Variants in ATP6V1C1 observed in about 807,000 individuals in gnomAD.
ATP6V1C1 encodes V-type proton ATPase subunit C 1.
A neutral mutation model predicts 53.9 loss-of-function variants in ATP6V1C1; 45 were observed. That is an observed-to-expected ratio of 0.83 (90% CI 0.66 to 1.07). ATP6V1C1 has a LOEUF of 1.07. Among genes scored for constraint, ATP6V1C1 ranks in the 50% least tolerant of loss-of-function variants. The pLI, the probability that ATP6V1C1 is intolerant of heterozygous loss-of-function variation, is 0.00. For missense variants in ATP6V1C1, 315 were observed against 440.3 expected, an observed-to-expected ratio of 0.72 and a Z score of 2.55; for synonymous variants, 153 against 155.2, an observed-to-expected ratio of 0.99 and a Z score of 0.11.
chr8:103,061,241 C>T (rs1311728781), intron 8 of ATP6V1C1, among the ~76,000 whole-genome samples: 1 of 152,180 alleles, frequency 6.6e-6, no homozygotes, highest in Non-Finnish European at 1.5e-5. Context: ...GTTTTCTCTG[C>T]ATGTCAGCGA....
chr8:103,028,710 C>T (rs1264278483), intron 1 of ATP6V1C1, among the ~76,000 whole-genome samples: 1 of 152,166 alleles, frequency 6.6e-6, no homozygotes, highest in Admixed American at 6.6e-5. Flanking sequence ...GATTAGATTC[C>T]AAGTCTTCAT....
At chr8:103,021,631 G>T (rs537811881) in intron 1 of ATP6V1C1, among the ~76,000 whole-genome samples, 2 of 151,468 alleles carry the variant, frequency 1.3e-5, no homozygotes, top group East Asian at 1.9e-4. Flanking sequence ...GTGTGTTGGG[G>T]GGGGCGCGGG....
chr8:103,037,382 A>G (rs1378044345), intron 1 of ATP6V1C1, among the ~76,000 whole-genome samples: 2 of 152,094 alleles, frequency 1.3e-5, no homozygotes, highest in African/African-American at 4.8e-5. Flanking sequence ...GGGTCTCGCT[A>G]TGTTGACCAG....
chr8:103,058,237 G>C (rs574513389), intron 8 of ATP6V1C1, among the ~76,000 whole-genome samples: 8 of 152,324 alleles, frequency 5.3e-5, no homozygotes, highest in Admixed American at 5.2e-4. Flanking sequence ...GTTTGCAAGT[G>C]ACTTGTAAGT....
intron 1 of ATP6V1C1, among the ~76,000 whole-genome samples, chr8:103,021,844 T>G (rs1816600332): frequency 6.6e-6 from 1 of 152,136 alleles, no homozygotes; most frequent in Non-Finnish European, 1.5e-5. Context: ...AGAAAAGAAC[T>G]TGGTGAGAGT....
At chr8:103,035,634 C>T (rs80315531) in intron 1 of ATP6V1C1, among the ~76,000 whole-genome samples, 284 of 152,190 alleles carry the variant, frequency 1.9e-3, no homozygotes, top group African/African-American at 6.6e-3. Context: ...GCAGGAAGGG[C>T]GGCCGCATGG....
intron 4 of ATP6V1C1, among the ~76,000 whole-genome samples, chr8:103,050,687 G>T (rs1817184898): frequency 6.6e-6 from 1 of 151,550 alleles, no homozygotes; most frequent in Non-Finnish European, 1.5e-5. Context: ...AGTTATCAAA[G>T]AAAGAACATA....
chr8:103,024,428 G>A (rs533127751), intron 1 of ATP6V1C1, among the ~76,000 whole-genome samples: 2 of 152,182 alleles, frequency 1.3e-5, no homozygotes, highest in South Asian at 2.1e-4. Context: ...AATACCATTG[G>A]CCAACTGGAA....
intron 1 of ATP6V1C1, among the ~76,000 whole-genome samples, chr8:103,035,112 G>C (rs1274756338): frequency 1.3e-5 from 2 of 152,064 alleles, no homozygotes; most frequent in African/African-American, 4.8e-5. Flanking sequence ...GTACAGATAG[G>C]TTCTTTATCA....
rs376461712 is a variant in ATP6V1C1, at chr8:103,029,931, C to T, written c.-40+8706C>T. ...TATTTTTAGTAGAGACAGGGTTTTA[C>T]TATGTTGGCCGTGGCTGGTCTTGAA... is the stretch of plus-strand genomic sequence containing the variant. On this transcript the variant is annotated intron_variant, in intron 1 of 12. Coordinates refer to ENST00000518738, the MANE Select transcript of ATP6V1C1 (RefSeq NM_001695.5). Among the ~76,000 whole-genome samples, 8 of 152,188 alleles carry T rather than the reference C, an allele frequency of 5.3e-5. No homozygotes were observed. In the East Asian group the frequency reaches 1.4e-3, roughly 26 times the overall value.
rs1817017300 is a variant in ATP6V1C1 at position 103,042,416 on chromosome 8, CT to C, written c.200+11del. ...GATGCATTTGTAGAAGGGTAATGTACTTATATGCATGGAGTAGAGCAAAATG... is the reference window on the plus strand; with the variant it reads ...GATGCATTTGTAGAAGGGTAATGTACTATATGCATGGAGTAGAGCAAAATG... On this transcript the variant is annotated intron_variant, in intron 3 of 12. Transcript: ENST00000518738. 2.5e-6 allele frequency: 4 copies of C among 1,613,204 alleles called. No individual in the cohort carries two copies. Among genetic ancestry groups the C allele is most frequent in the Non-Finnish European group, 3.4e-6 (4 of 1,179,534 alleles).
chr8:103,054,241 G>A (rs1474735293), intron 7 of ATP6V1C1, among the ~76,000 whole-genome samples: 2 of 151,978 alleles, frequency 1.3e-5, no homozygotes, highest in African/African-American at 2.4e-5. Flanking sequence ...TCAAACATAA[G>A]TAATGCTAAA....
intron 12 of ATP6V1C1, among the ~76,000 whole-genome samples, chr8:103,067,796 G>C (rs1460617676): frequency 6.6e-6 from 1 of 151,848 alleles, no homozygotes; most frequent in East Asian, 1.9e-4. Context: ...TGTTGGCCAG[G>C]CTGGTCTTGA....
At chr8:103,043,549 T>C (rs1039626367) in intron 3 of ATP6V1C1, among the ~76,000 whole-genome samples, 1 of 151,906 alleles carries the variant, frequency 6.6e-6, no homozygotes, top group Non-Finnish European at 1.5e-5. Context: ...GTCAGGCTGA[T>C]CTCAAACCCC....
intron 11 of ATP6V1C1, 52 bp downstream of exon 11, chr8:103,064,863 A>G (rs746235862): frequency 2.7e-6 from 4 of 1,496,186 alleles, no homozygotes; most frequent in East Asian, 2.3e-5. Flanking sequence ...TAGATTCCTT[A>G]CATTGGACCT....
At chr8:103,052,414 G>C (rs912703020) in intron 5 of ATP6V1C1, among the ~76,000 whole-genome samples, 2 of 152,030 alleles carry the variant, frequency 1.3e-5, no homozygotes, top group Non-Finnish European at 2.9e-5. Context: ...CTTGTGAATT[G>C]AAGCCTTGTA....
chr8:103,041,035 A>G, intron 2 of ATP6V1C1, 67 bp downstream of exon 2: 1 of 1,508,280 alleles, frequency 6.6e-7, no homozygotes, highest in Non-Finnish European at 9.0e-7. Context: ...TCTCTCTTTT[A>G]GTGGAAATGA....
chr8:103,059,746 G>A (rs1403213708), intron 8 of ATP6V1C1, among the ~76,000 whole-genome samples: 1 of 151,604 alleles, frequency 6.6e-6, no homozygotes, highest in Non-Finnish European at 1.5e-5. Context: ...ATTGACCCTA[G>A]CTGGTCTCCT....
chr8:103,049,862 A>T, intron 4 of ATP6V1C1, among the ~76,000 whole-genome samples: 1 of 151,982 alleles, frequency 6.6e-6, no homozygotes, highest in Non-Finnish European at 1.5e-5. Flanking sequence ...GAGGCTGAGG[A>T]GGGGGGATTG....
Sources: gnomAD v4.1 joint callset for allele counts (sites outside exome capture counted in the v4.1 genomes callset) on GRCh38, gnomAD v4.1.1 for gene constraint, MANE v1.5 for transcripts, NCBI Gene and HGNC (gene_info 2026-07-23, HGNC 2026-07-21) for gene names.